ZNF385A: variants seen among roughly 807,000 people sequenced by gnomAD.
The protein encoded by ZNF385A is hematopoietic zinc finger protein.
A neutral mutation model predicts 32.1 loss-of-function variants in ZNF385A; 14 were observed. The observed-to-expected ratio is 0.44, with a 90% CI of 0.29 to 0.68. ZNF385A has a LOEUF of 0.68. Ranked by LOEUF, ZNF385A falls within the 30% of genes least tolerant of loss-of-function variation. The pLI, the probability that ZNF385A is intolerant of heterozygous loss-of-function variation, is 0.14. For synonymous variants in ZNF385A, 197 were observed against 202.7 expected, an observed-to-expected ratio of 0.97 and a Z score of 0.24; for missense variants, 406 against 478.4, an observed-to-expected ratio of 0.85 and a Z score of 1.41.
Position 54,370,189 on chromosome 12 carries a change from T to A in ZNF385A, c.*67A>T. The A allele has an allele frequency of 8.1e-7, 1 of 1,230,454 alleles. No homozygotes were observed. The highest frequency in any genetic ancestry group is 1.1e-6 in the Non-Finnish European group (1 of 922,694). 76.2% of individuals were successfully genotyped at this position (1,230,454 alleles called of 1,614,324 possible). ...GGGAGTGCCGGGAGGAGGGGCGGGC[T>A]GGGAGCCCGGACGCCTGGGTCCCGG... On this transcript the variant is annotated 3_prime_UTR_variant, in exon 7 of 7. Transcript: ENST00000394313. The surrounding 1 kb of genome is among the most constrained non-coding windows in gnomAD (Gnocchi z 5.5).
At chr12:54,388,312 G>A (rs562467109), upstream of ZNF385A, among the ~76,000 whole-genome samples, 30 of 152,248 alleles carry the variant, frequency 2.0e-4, no homozygotes, top group Non-Finnish European at 4.3e-4. Context: ...CTTAGCCCTG[G>A]GCACTTTGAT....
chr12:54,378,966 G>T, intron 1 of ZNF385A: 2 of 759,514 alleles, frequency 2.6e-6, no homozygotes, highest in Non-Finnish European at 3.2e-6. Flanking sequence ...ACTAGGCAGA[G>T]GGAGCGGTAG....
intron 1 of ZNF385A, 34 bp downstream of exon 1, chr12:54,384,394 A>G: frequency 1.4e-5 from 22 of 1,554,344 alleles, no homozygotes; most frequent in Non-Finnish European, 1.9e-5. Context: ...TCGGGTCACA[A>G]GAGGATGGAG....
chr12:54,391,294 G>A, exon 1 of ZNF385A: 2 of 1,285,972 alleles, frequency 1.6e-6, no homozygotes, highest in Non-Finnish European at 9.9e-7. Flanking sequence ...CCCGGGGGCC[G>A]TTCTGGCCGG....
intron 1 of ZNF385A, among the ~76,000 whole-genome samples, chr12:54,390,928 A>G (rs999470355): frequency 6.6e-6 from 1 of 151,982 alleles, no homozygotes; most frequent in African/African-American, 2.4e-5. Flanking sequence ...AGCCTCTCGT[A>G]GACTGGTATA....
upstream of ZNF385A, chr12:54,385,776 C>G (rs923246200): frequency 4.1e-6 from 2 of 483,322 alleles, no homozygotes; most frequent in African/African-American, 2.1e-5. Flanking sequence ...CCCTCTGCCC[C>G]CTCCCTTGCC....
chr12:54,369,883 T>G lies in ZNF385A; in HGVS notation c.*373A>C. 5.5e-6 allele frequency: 1 copy of G among 181,270 alleles called. No individual in the cohort carries two copies. The highest frequency in any genetic ancestry group is 2.3e-5 in the African/African-American group (1 of 42,672). 11.2% of individuals were successfully genotyped at this position (181,270 alleles called of 1,614,324 possible). On this transcript the variant is annotated 3_prime_UTR_variant, in exon 7 of 7. Coordinates refer to ENST00000394313, the MANE Select transcript of ZNF385A (RefSeq NM_015481.3). ...TCCGCTTATTGCCAAGAAAATCCATTTCTGTCCCCCCCGGACCCCGACCAT... is the reference window on the plus strand; with the variant it reads ...TCCGCTTATTGCCAAGAAAATCCATGTCTGTCCCCCCCGGACCCCGACCAT...
In ZNF385A at chr12:54,370,526, C is replaced by A. The variant is rs2137152648; in HGVS notation, c.871-40G>T. The A allele has an allele frequency of 6.5e-7, 1 of 1,550,280 alleles. No individual in the cohort carries two copies. Among genetic ancestry groups the A allele is most frequent in the Non-Finnish European group, 8.7e-7 (1 of 1,146,282 alleles). Reference sequence around the variant, plus strand: ...AGGCGGAGGAAGAGAAGTCACCCGGCGGTCCTGCAAACCCCACCTCTCCCT... The same window carrying A: ...AGGCGGAGGAAGAGAAGTCACCCGGAGGTCCTGCAAACCCCACCTCTCCCT... On this transcript the variant is annotated intron_variant, in intron 6 of 6. Transcript: ENST00000394313. This position sits in a 1 kb window ranked among gnomAD's most constrained non-coding sequence, Gnocchi z 5.5.
In ZNF385A at chr12:54,370,436, C is replaced by G; in HGVS notation, c.921G>C (p.Leu307=). The change falls in exon 7 of 7, where the codon CTG becomes CTC. Residue 307 remains leucine, a synonymous_variant. Coordinates refer to ENST00000394313, the MANE Select transcript of ZNF385A (RefSeq NM_015481.3). The surrounding 1 kb of genome is among the most constrained non-coding windows in gnomAD (Gnocchi z 5.5). ...CAGCCACCGCCAGGGGGCTGGGGAG[C>G]AGGCCGCCCGCCAGGGACTTGGGCA... The part of the protein sequence containing the change: ...KELPKSLAGG[L]LPSPLAVAAV... The G allele has an allele frequency of 6.5e-7, 1 of 1,549,924 alleles. No individual in the cohort carries two copies. Among genetic ancestry groups the G allele is most frequent in the South Asian group, 1.2e-5 (1 of 83,942 alleles).
At chr12:54,373,180 G>T (rs1440221774) in intron 3 of ZNF385A, 1 of 147,574 alleles carries the variant, frequency 6.8e-6, no homozygotes, top group Non-Finnish European at 1.4e-5. Context: ...TTGAGAATGG[G>T]GTCCTGGTTT....
In ZNF385A at chr12:54,370,665, C is replaced by A. The variant is rs1427415740; in HGVS notation, c.831G>T (p.Leu277=). Residue 277 remains leucine, a synonymous_variant, in exon 6 of 7, where the codon CTG becomes CTT. Transcript: ENST00000394313. This position sits in a 1 kb window ranked among gnomAD's most constrained non-coding sequence, Gnocchi z 5.5. Reference sequence around the variant, plus strand: ...CGCCCCTAGACTTCTTGTGACGGCTCAGTAGTGGGTTGGGCTTCCCGGCCA... The same window carrying A: ...CGCCCCTAGACTTCTTGTGACGGCTAAGTAGTGGGTTGGGCTTCCCGGCCA... ...DGVAGKPNPL[L]SRHKKSRGAG... 7 of 1,605,794 alleles carry A rather than the reference C, an allele frequency of 4.4e-6. No individual in the cohort carries two copies. Among genetic ancestry groups the A allele is most frequent in the Non-Finnish European group, 5.9e-6 (7 of 1,177,172 alleles).
intron 1 of ZNF385A, among the ~76,000 whole-genome samples, chr12:54,376,427 G>T (rs982869781): frequency 1.3e-5 from 2 of 152,144 alleles, no homozygotes; most frequent in Non-Finnish European, 1.5e-5. Flanking sequence ...ACCAAGCCCA[G>T]CCTCTAGTCC....
rs2137163659 is a variant in ZNF385A at position 54,371,525 on chromosome 12, A to G, written c.552T>C (p.Ala184=). 6.2e-7 allele frequency: 1 copy of G among 1,613,352 alleles called. No homozygotes were observed. The highest frequency in any genetic ancestry group is 1.1e-5 in the South Asian group (1 of 91,002). The change falls in exon 4 of 7, where the codon GCT becomes GCC. Residue 184 remains alanine, a synonymous_variant. Transcript: ENST00000394313. ...GGGAGTTCACAGCCACCTTGCACAGAGCACAGTAGAGCAGCCGCTTGGCTT... is the reference window on the plus strand; with the variant it reads ...GGGAGTTCACAGCCACCTTGCACAGGGCACAGTAGAGCAGCCGCTTGGCTT... ...EEKAKRLLYC[A]LCKVAVNSLS...
intron 1 of ZNF385A, among the ~76,000 whole-genome samples, chr12:54,379,857 T>TG (rs1290331394): frequency 6.6e-6 from 1 of 152,178 alleles, no homozygotes; most frequent in Non-Finnish European, 1.5e-5. Flanking sequence ...GGCGGTTCAG[T>TG]GGGGGCAGCA....
chr12:54,384,026 G>A (rs1192210771), intron 1 of ZNF385A, among the ~76,000 whole-genome samples: 1 of 152,206 alleles, frequency 6.6e-6, no homozygotes, highest in African/African-American at 2.4e-5. Flanking sequence ...ACTGCAGAGA[G>A]GTGAAACTTA....
chr12:54,380,613 G>A (rs2700154), intron 1 of ZNF385A, among the ~76,000 whole-genome samples: 12 of 152,212 alleles, frequency 7.9e-5, no homozygotes, highest in Admixed American at 5.2e-4. Flanking sequence ...CTCCCCACCC[G>A]CTCCAGTGGC....
chr12:54,388,931 G>A (rs1955566256), upstream of ZNF385A, among the ~76,000 whole-genome samples: 1 of 152,210 alleles, frequency 6.6e-6, no homozygotes, highest in African/African-American at 2.4e-5. Flanking sequence ...AGATGAAAGA[G>A]ACGAGGGGGA....
At position 54,371,001 on chromosome 12, in the gene ZNF385A, C is replaced by T. The variant is rs764924771; in HGVS notation, c.700G>A (p.Ala234Thr). Residue 234 changes from alanine to threonine, a missense_variant, in exon 5 of 7, where the codon GCT becomes ACT. Ala to Thr is a moderately conservative substitution (Grantham distance 58). Transcript: ENST00000394313. The stretch of plus-strand genomic sequence containing the variant: ...TGGAAAGTTCGGTCCTGGGCAGGAG[C>T]CTCTGGTTCCCCCGGGGTGGGAGGC... ...LGPPTPGEPE[A>T]PAQDRTFHCE... 41 of 1,614,196 alleles carry T rather than the reference C, an allele frequency of 2.5e-5. No homozygotes were observed. The highest frequency in any genetic ancestry group is 3.5e-5 in the Non-Finnish European group (41 of 1,180,026).
At chr12:54,377,552 G>A (rs1954912398) in intron 1 of ZNF385A, among the ~76,000 whole-genome samples, 1 of 152,202 alleles carries the variant, frequency 6.6e-6, no homozygotes, top group Non-Finnish European at 1.5e-5. Context: ...CGGGGGCTTT[G>A]ATGGCACCAT....
Sources: allele counts gnomAD v4.1 joint callset (sites outside exome capture counted in the v4.1 genomes callset), GRCh38; gene constraint gnomAD v4.1.1; non-coding constraint Gnocchi (gnomAD v3.1); transcripts MANE v1.5; gene names NCBI Gene and HGNC (gene_info 2026-07-23, HGNC 2026-07-21).